The following LUZP2 variants were observed in gnomAD, a reference collection of about 807,000 sequenced individuals.
LUZP2 encodes the protein leucine zipper protein 2.
In LUZP2, 52 loss-of-function variants were observed where a neutral mutation model predicts 51.6. That is an observed-to-expected ratio of 1.01 (90% CI 0.81 to 1.27). The LOEUF (loss-of-function observed/expected upper bound fraction) is 1.27. LUZP2 is among the 50% of genes most tolerant of loss of function. LUZP2 has a pLI of 0.00. For synonymous variants in LUZP2, 154 were observed against 137.3 expected, an observed-to-expected ratio of 1.12 and a Z score of -0.85; for missense variants, 436 against 395.4, an observed-to-expected ratio of 1.10 and a Z score of -0.87.
At chr11:24,857,272 G>A (rs1027708303) in intron 5 of LUZP2, among the ~76,000 whole-genome samples, 9 of 136,100 alleles carry the variant, frequency 6.6e-5, no homozygotes, top group African/African-American at 2.5e-4. Flanking sequence ...GATTCATGGG[G>A]ATATATATAT....
At chr11:24,746,830 G>A (rs1200840016) in intron 4 of LUZP2, among the ~76,000 whole-genome samples, 3 of 151,918 alleles carry the variant, frequency 2.0e-5, no homozygotes, top group South Asian at 2.1e-4. Flanking sequence ...TTTCTTCTAC[G>A]GGTTCAATTC....
At chr11:24,625,061 A>G (rs1481051971) in intron 1 of LUZP2, among the ~76,000 whole-genome samples, 2 of 152,148 alleles carry the variant, frequency 1.3e-5, no homozygotes, top group Non-Finnish European at 2.9e-5. Context: ...TGGATGACAT[A>G]ATGCCGAGTG....
At chr11:24,601,954 GTA>G (rs1347559905) in intron 1 of LUZP2, among the ~76,000 whole-genome samples, 1 of 129,214 alleles carries the variant, frequency 7.7e-6, no homozygotes, top group African/African-American at 3.2e-5. Context: ...ATGTATAAAT[GTA>G]TATATGTATA....
chr11:24,741,973 CATTTATATATTAT>C (rs1859185264), intron 4 of LUZP2, among the ~76,000 whole-genome samples: 1 of 31,600 alleles, frequency 3.2e-5, no homozygotes. Flanking sequence ...TAAATATATA[CATTTATATATTAT>C]ATATAAATGT....
At chr11:24,770,898 C>T (rs113945961) in intron 5 of LUZP2, among the ~76,000 whole-genome samples, 163 of 152,310 alleles carry the variant, frequency 1.1e-3, no homozygotes, top group African/African-American at 3.2e-3. Flanking sequence ...GCACTACCTC[C>T]GCCTGAATCA....
At chr11:24,864,963 G>T (rs189245143) in intron 5 of LUZP2, among the ~76,000 whole-genome samples, 1 of 152,014 alleles carries the variant, frequency 6.6e-6, no homozygotes, top group Non-Finnish European at 1.5e-5. Flanking sequence ...ATTGCATATC[G>T]GTAGAACAAG....
At chr11:24,907,727 C>T (rs188604567) in intron 6 of LUZP2, among the ~76,000 whole-genome samples, 115 of 152,214 alleles carry the variant, frequency 7.6e-4, no homozygotes, top group African/African-American at 2.3e-3. Flanking sequence ...GAGGAAGCTC[C>T]TATGAGAAAT....
At chr11:25,024,186 C>CT (rs1857418217) in intron 9 of LUZP2, among the ~76,000 whole-genome samples, 1 of 152,078 alleles carries the variant, frequency 6.6e-6, no homozygotes, top group Non-Finnish European at 1.5e-5. Context: ...TCCTGGATAT[C>CT]CTTGTTAACT....
At chr11:25,035,976 T>A (rs1383065004) in intron 9 of LUZP2, among the ~76,000 whole-genome samples, 1 of 152,110 alleles carries the variant, frequency 6.6e-6, no homozygotes, top group Non-Finnish European at 1.5e-5. Flanking sequence ...GGATGTTGGC[T>A]TCATAGGATG....
intron 4 of LUZP2, among the ~76,000 whole-genome samples, chr11:24,745,623 A>G (rs1268339776): frequency 6.6e-6 from 1 of 152,044 alleles, no homozygotes; most frequent in Non-Finnish European, 1.5e-5. Context: ...AGTCTCCTGA[A>G]GGCAGCAGAT....
chr11:24,949,328 CTATCTCTCTATCT>C (rs945769354), intron 7 of LUZP2, among the ~76,000 whole-genome samples: 7 of 37,764 alleles, frequency 1.9e-4, no homozygotes, highest in African/African-American at 8.4e-4. Context: ...ATCTATCTAT[CTATCTCTCTATCT>C]ATCTATGATC....
intron 9 of LUZP2, among the ~76,000 whole-genome samples, chr11:24,999,412 A>AAGAAGGAGGAGGAGGAGGAAGG (rs1856609738): frequency 4.8e-5 from 2 of 41,750 alleles, no homozygotes; most frequent in Admixed American, 2.6e-4. Context: ...GAGGAAGGAG[A>AAGAAGGAGGAGGAGGAGGAAGG]AGAAGAAGGA....
chr11:24,604,189 C>A (rs552627350), intron 1 of LUZP2, among the ~76,000 whole-genome samples: 2 of 151,768 alleles, frequency 1.3e-5, no homozygotes, highest in Non-Finnish European at 3.0e-5. Context: ...ACAGTGTAGT[C>A]TGCTTTTTTA....
chr11:24,913,883 G>A (rs117960036), intron 6 of LUZP2, among the ~76,000 whole-genome samples: 2,366 of 152,182 alleles, frequency 0.016, 25 homozygotes, highest in South Asian at 0.048. Flanking sequence ...TTAAGGGACC[G>A]TAATTAAATG....
chr11:25,069,088 G>A (rs547821504), intron 10 of LUZP2, among the ~76,000 whole-genome samples: 7 of 152,052 alleles, frequency 4.6e-5, no homozygotes, highest in South Asian at 2.1e-4. Context: ...TATTGCAAAA[G>A]CATTGATATT....
intron 1 of LUZP2, among the ~76,000 whole-genome samples, chr11:24,534,496 G>T (rs1388869443): frequency 7.4e-6 from 1 of 135,538 alleles, no homozygotes; most frequent in Admixed American, 7.7e-5. Flanking sequence ...TATATAGAAA[G>T]CATATATAGA....
intron 7 of LUZP2, among the ~76,000 whole-genome samples, chr11:24,950,661 C>A (rs1855048615): frequency 6.6e-6 from 1 of 151,422 alleles, no homozygotes; most frequent in Non-Finnish European, 1.5e-5. Context: ...TTGCTGAAAC[C>A]AAAGTTATAG....
Position 24,607,083 on chromosome 11 carries a change from G to A in LUZP2, c.62+109778G>A, listed in dbSNP as rs150287746. On this transcript the variant is annotated intron_variant, in intron 1 of 11. Coordinates refer to ENST00000336930, the MANE Select transcript of LUZP2 (RefSeq NM_001009909.4). ...TTAAATTATTTTTTTGTATTCTATA[G>A]GCTTCCATTTTATTTTGTTGAATGT... Among the ~76,000 whole-genome samples, 806 of 151,550 alleles carry A rather than the reference G, an allele frequency of 5.3e-3. 11 individuals are homozygous for A. The highest frequency in any genetic ancestry group is 0.019 in the African/African-American group (770 of 41,424).
chr11:24,990,313 ATATACC>A (rs1193451611), intron 9 of LUZP2, among the ~76,000 whole-genome samples: 1 of 152,046 alleles, frequency 6.6e-6, no homozygotes, highest in African/African-American at 2.4e-5. Context: ...TTATATATAC[ATATACC>A]TTTATAATTT....
Sources: allele counts gnomAD v4.1 joint callset (sites outside exome capture counted in the v4.1 genomes callset), GRCh38; gene constraint gnomAD v4.1.1; transcripts MANE v1.5; gene names NCBI Gene and HGNC (gene_info 2026-07-23, HGNC 2026-07-21).